The following PXDNL variants were observed in gnomAD, a reference collection of about 807,000 sequenced individuals.
PXDNL encodes probable oxidoreductase PXDNL.
PXDNL carries 145 observed loss-of-function variants against 150.8 expected under a neutral mutation model. The ratio of observed to expected loss-of-function variants is 0.96; its 90% CI spans 0.84 to 1.10. The LOEUF (loss-of-function observed/expected upper bound fraction) is 1.10, where lower values mean the gene tolerates loss of function less well. PXDNL is among the 50% of genes least tolerant of loss of function. The probability of loss-of-function intolerance (pLI) is 0.00; values close to 1 mark genes in which losing one functional copy is unlikely to be tolerated. For synonymous variants in PXDNL, 757 were observed against 725.7 expected, an observed-to-expected ratio of 1.04 and a Z score of -0.69; for missense variants, 2,087 against 1,873.9, an observed-to-expected ratio of 1.11 and a Z score of -2.10.
intron 1 of PXDNL, among the ~76,000 whole-genome samples, chr8:51,690,869 C>G (rs1438177350): frequency 1.2e-4 from 18 of 152,124 alleles, no homozygotes; most frequent in East Asian, 7.7e-4. Flanking sequence ...ATTCTAACTG[C>G]TGTGAGATGG....
At chr8:51,523,138 C>T (rs997908812) in intron 4 of PXDNL, among the ~76,000 whole-genome samples, 1 of 151,826 alleles carries the variant, frequency 6.6e-6, no homozygotes, top group Non-Finnish European at 1.5e-5. Context: ...AAAAACAGAG[C>T]GTAAGAGGAG....
chr8:51,735,792 C>T (rs536241809), intron 1 of PXDNL, among the ~76,000 whole-genome samples: 232 of 151,628 alleles, frequency 1.5e-3, no homozygotes, highest in African/African-American at 5.3e-3. Context: ...GTGATCCGCC[C>T]GCCTCGGCCT....
chr8:51,582,032 T>C (rs1813222249), intron 3 of PXDNL, among the ~76,000 whole-genome samples: 1 of 152,144 alleles, frequency 6.6e-6, no homozygotes, highest in Non-Finnish European at 1.5e-5. Flanking sequence ...TTTTTAAATG[T>C]ATGTGTATAT....
chr8:51,665,325 C>T (rs896008468), intron 1 of PXDNL, among the ~76,000 whole-genome samples: 1 of 152,132 alleles, frequency 6.6e-6, no homozygotes, highest in Non-Finnish European at 1.5e-5. Context: ...CAGGACTCCT[C>T]ATTATAAAAT....
chr8:51,746,528 C>T (rs1297691330), intron 1 of PXDNL, among the ~76,000 whole-genome samples: 1 of 152,070 alleles, frequency 6.6e-6, no homozygotes, highest in African/African-American at 2.4e-5. Context: ...ACTGAGCATC[C>T]ATTTTTGGCA....
chr8:51,461,002 C>T (rs1810065546), intron 8 of PXDNL, among the ~76,000 whole-genome samples: 1 of 152,140 alleles, frequency 6.6e-6, no homozygotes, highest in South Asian at 2.1e-4. Flanking sequence ...AAGGCACCCA[C>T]CCAGCTGCTC....
intron 17 of PXDNL, among the ~76,000 whole-genome samples, chr8:51,388,465 AT>A (rs1807794691): frequency 6.6e-6 from 1 of 152,098 alleles, no homozygotes; most frequent in South Asian, 2.1e-4. Flanking sequence ...ATCCTGTGAG[AT>A]TTTTGGTTGT....
chr8:51,754,371 A>G (rs751318568), intron 1 of PXDNL, among the ~76,000 whole-genome samples: 7 of 152,222 alleles, frequency 4.6e-5, no homozygotes, highest in Non-Finnish European at 8.8e-5. Context: ...AGCACACAAA[A>G]GAAACCCACC....
intron 1 of PXDNL, among the ~76,000 whole-genome samples, chr8:51,719,696 A>G (rs777354693): frequency 7.9e-5 from 12 of 151,962 alleles, no homozygotes; most frequent in African/African-American, 2.9e-4. Flanking sequence ...AACTATAAAC[A>G]TGATTTTTTT....
chr8:51,355,816 T>A (rs1336862421), intron 19 of PXDNL, among the ~76,000 whole-genome samples: 1 of 152,238 alleles, frequency 6.6e-6, no homozygotes, highest in African/African-American at 2.4e-5. Flanking sequence ...GATCTATTGA[T>A]TAGCTGATAC....
intron 21 of PXDNL, among the ~76,000 whole-genome samples, chr8:51,329,411 A>G (rs986413040): frequency 3.3e-5 from 5 of 152,234 alleles, no homozygotes; most frequent in Non-Finnish European, 7.3e-5. Flanking sequence ...AGCCTTTTCA[A>G]TACAAAAACC....
chr8:51,401,318 C>T (rs1344628752), intron 17 of PXDNL, among the ~76,000 whole-genome samples: 3 of 152,124 alleles, frequency 2.0e-5, no homozygotes, highest in Non-Finnish European at 4.4e-5. Context: ...CTATGTAAAC[C>T]TGGGAGCTAG....
At chr8:51,632,828 T>C (rs1000251840) in intron 2 of PXDNL, among the ~76,000 whole-genome samples, 2 of 152,132 alleles carry the variant, frequency 1.3e-5, no homozygotes, top group Non-Finnish European at 2.9e-5. Flanking sequence ...ACTGGAAAAT[T>C]CATAAATATG....
intron 8 of PXDNL, among the ~76,000 whole-genome samples, chr8:51,469,687 A>G (rs1369510831): frequency 1.3e-5 from 2 of 152,080 alleles, no homozygotes; most frequent in East Asian, 3.9e-4. Context: ...ATTTTTTCTT[A>G]GCCTGGTTCA....
At chr8:51,600,441 A>G (rs1051393450) in intron 2 of PXDNL, among the ~76,000 whole-genome samples, 9 of 136,550 alleles carry the variant, frequency 6.6e-5, no homozygotes, top group Non-Finnish European at 1.1e-4. Flanking sequence ...ATTATATCTT[A>G]TATAAATTAT....
chr8:51,552,689 C>T (rs531901881), intron 4 of PXDNL, among the ~76,000 whole-genome samples: 24 of 152,106 alleles, frequency 1.6e-4, no homozygotes, highest in Non-Finnish European at 2.6e-4. Context: ...AGGATGGAAG[C>T]GGGGGTGAGG....
intron 4 of PXDNL, among the ~76,000 whole-genome samples, chr8:51,519,229 G>A (rs971122870): frequency 7.9e-5 from 12 of 152,124 alleles, no homozygotes; most frequent in African/African-American, 2.4e-4. Context: ...TAATATCTAA[G>A]TACAAGAGTG....
intron 4 of PXDNL, among the ~76,000 whole-genome samples, chr8:51,524,574 G>A (rs1811729611): frequency 6.6e-6 from 1 of 151,982 alleles, no homozygotes; most frequent in African/African-American, 2.4e-5. Flanking sequence ...AAACATAAAT[G>A]TATAAAATTC....
At chr8:51,628,141 G>A (rs1213743298) in intron 2 of PXDNL, among the ~76,000 whole-genome samples, 1 of 152,094 alleles carries the variant, frequency 6.6e-6, no homozygotes, top group Non-Finnish European at 1.5e-5. Context: ...AAAGCCACAA[G>A]CATATCCAGG....
Sources: allele counts gnomAD v4.1 joint callset (sites outside exome capture counted in the v4.1 genomes callset), GRCh38; gene constraint gnomAD v4.1.1; transcripts MANE v1.5; gene names NCBI Gene and HGNC (gene_info 2026-07-23, HGNC 2026-07-21).